The following GRM1 variants were observed in gnomAD, a reference collection of about 807,000 sequenced individuals.
GRM1 encodes metabotropic glutamate receptor 1.
In GRM1, 33 loss-of-function variants were observed where a neutral mutation model predicts 90.9. That is an observed-to-expected ratio of 0.36 (90% confidence interval 0.28 to 0.49). The LOEUF (loss-of-function observed/expected upper bound fraction) is 0.49, where lower values mean the gene tolerates loss of function less well. Among genes scored for constraint, GRM1 ranks in the 20% least tolerant of loss-of-function variants. The pLI is 0.99. For synonymous variants in GRM1, 700 were observed against 613.2 expected (o/e 1.14, Z -2.09); for missense variants, 1,190 against 1,534.3 (o/e 0.78, Z 3.75).
At chr6:146,227,401 G>A (rs766994746) in intron 2 of GRM1, among the ~76,000 whole-genome samples, 10 of 152,066 alleles carry the variant, frequency 6.6e-5, no homozygotes, top group Non-Finnish European at 1.2e-4. Flanking sequence ...TTTACTCTTG[G>A]TATACAATCT....
At chr6:146,333,125 A>G (rs1415049165) in intron 3 of GRM1, among the ~76,000 whole-genome samples, 1 of 152,222 alleles carries the variant, frequency 6.6e-6, no homozygotes, top group African/African-American at 2.4e-5. Context: ...AGTTAAAAAT[A>G]TATTTGACCA....
At chr6:146,314,948 A>G (rs1783915623) in intron 3 of GRM1, among the ~76,000 whole-genome samples, 1 of 152,112 alleles carries the variant, frequency 6.6e-6, no homozygotes, top group African/African-American at 2.4e-5. Flanking sequence ...TTTCCGAAAA[A>G]CTAGCCTCTT....
chr6:146,071,540 T>G (rs1045865127), intron 1 of GRM1, among the ~76,000 whole-genome samples: 4 of 152,182 alleles, frequency 2.6e-5, no homozygotes, highest in African/African-American at 9.6e-5. Context: ...AAGGCAAGAC[T>G]TTTTGGAAGA....
Position 146,160,835 on chromosome 6 carries a change from G to A in GRM1, c.950+1238G>A, listed in dbSNP as rs554333199. ...AGAGATACTCTCCAAGCATGAGGAG[G>A]TGTGGAGCCAAGGTCAAATTGTAAT... is the stretch of plus-strand genomic sequence containing the variant. On this transcript the variant is annotated intron_variant, in intron 2 of 7. Transcript: ENST00000282753. Among the ~76,000 whole-genome samples, 3 of 152,276 alleles carry A rather than the reference G, an allele frequency of 2.0e-5. No individual in the cohort carries two copies. In the South Asian group the frequency reaches 6.2e-4, roughly 32 times the overall value.
intron 5 of GRM1, among the ~76,000 whole-genome samples, chr6:146,378,238 G>C (rs555284484): frequency 6.6e-6 from 1 of 152,188 alleles, no homozygotes; most frequent in Non-Finnish European, 1.5e-5. Context: ...TCCCACTGGG[G>C]CACTGCCTAG....
At chr6:146,370,607 G>A (rs1775861925) in intron 5 of GRM1, among the ~76,000 whole-genome samples, 1 of 151,780 alleles carries the variant, frequency 6.6e-6, no homozygotes, top group African/African-American at 2.4e-5. Context: ...AACATCATGT[G>A]GGCCACAGCG....
chr6:146,162,954 A>G (rs1385260124), intron 2 of GRM1, among the ~76,000 whole-genome samples: 2 of 152,130 alleles, frequency 1.3e-5, no homozygotes, highest in African/African-American at 4.8e-5. Flanking sequence ...TTGGCTCCAC[A>G]TCATCTTTAA....
intron 1 of GRM1, among the ~76,000 whole-genome samples, chr6:146,054,162 G>A (rs1247234370): frequency 6.6e-6 from 1 of 152,042 alleles, no homozygotes; most frequent in Non-Finnish European, 1.5e-5. Context: ...TGGGCTGTCA[G>A]CAATGTGTCT....
At chr6:146,223,490 T>A (rs1455260195) in intron 2 of GRM1, among the ~76,000 whole-genome samples, 2 of 152,104 alleles carry the variant, frequency 1.3e-5, no homozygotes, top group African/African-American at 4.8e-5. Flanking sequence ...AAGCTCTAAC[T>A]TGGTTTCACT....
At chr6:146,281,160 T>C (rs1454171908) in intron 2 of GRM1, among the ~76,000 whole-genome samples, 1 of 152,216 alleles carries the variant, frequency 6.6e-6, no homozygotes, top group South Asian at 2.1e-4. Context: ...ACCTTCTTCT[T>C]GATGGTAATT....
chr6:146,414,485 G>A (rs975059477), intron 7 of GRM1, among the ~76,000 whole-genome samples: 1 of 151,772 alleles, frequency 6.6e-6, no homozygotes, highest in Admixed American at 6.6e-5. Flanking sequence ...CGCACTGCAA[G>A]CTCCGCCTCC....
At chr6:146,189,567 T>A (rs772363332) in intron 2 of GRM1, among the ~76,000 whole-genome samples, 10 of 152,232 alleles carry the variant, frequency 6.6e-5, no homozygotes, top group Non-Finnish European at 1.0e-4. Context: ...ATGCTTCACA[T>A]GTTAGAGGTC....
chr6:146,304,630 G>C lies in GRM1; in HGVS notation c.970G>C (p.Asp324His). 6.2e-7 allele frequency: 1 copy of C among 1,613,142 alleles called. No individual in the cohort carries two copies. Among genetic ancestry groups the C allele is most frequent in the Admixed American group, 1.7e-5 (1 of 59,950 alleles). Residue 324 changes from aspartate (D) to histidine (H), a missense_variant, in exon 3 of 8, where the codon GAT (aspartate) becomes CAT (histidine). Coordinates refer to ENST00000282753, the MANE Select transcript of GRM1 (RefSeq NM_001278064.2). Reference sequence around the variant, plus strand: ...TTTTAGTGATGGATGGGCAGACAGAGATGAAGTCATTGAAGGTTATGAGGT... The same window carrying C: ...TTTTAGTGATGGATGGGCAGACAGACATGAAGTCATTGAAGGTTATGAGGT... ...LIGSDGWADR[D>H]EVIEGYEVEA...
At chr6:146,233,628 T>G (rs979644782) in intron 2 of GRM1, among the ~76,000 whole-genome samples, 3 of 152,166 alleles carry the variant, frequency 2.0e-5, no homozygotes, top group Admixed American at 2.0e-4. Context: ...CTTCTGTTAC[T>G]AATTTCTAGT....
chr6:146,321,812 G>T (rs1258932275), intron 3 of GRM1, among the ~76,000 whole-genome samples: 2 of 151,970 alleles, frequency 1.3e-5, no homozygotes, highest in African/African-American at 2.4e-5. Flanking sequence ...CTTTCCATTT[G>T]CTTGGTAAAT....
chr6:146,142,938 T>G (rs1776943070), intron 1 of GRM1, among the ~76,000 whole-genome samples: 1 of 152,148 alleles, frequency 6.6e-6, no homozygotes, highest in African/African-American at 2.4e-5. Flanking sequence ...TCTTCACTTT[T>G]CTCTCTGCTT....
chr6:146,230,791 C>T (rs1780424403), intron 2 of GRM1, among the ~76,000 whole-genome samples: 1 of 152,046 alleles, frequency 6.6e-6, no homozygotes, highest in African/African-American at 2.4e-5. Context: ...AATGAATAAA[C>T]TGGCACATCC....
intron 2 of GRM1, among the ~76,000 whole-genome samples, chr6:146,250,114 A>G (rs1194769465): frequency 6.6e-6 from 1 of 152,116 alleles, no homozygotes; most frequent in African/African-American, 2.4e-5. Flanking sequence ...TTTTGATTTT[A>G]TAGGCGCATA....
rs1778609322 is a variant in GRM1, at chr6:146,436,848, T to A, written c.*2052T>A. 6.6e-6 allele frequency: 1 copy of A among 152,662 alleles called. No homozygotes were observed. Among genetic ancestry groups the A allele is most frequent in the Non-Finnish European group, 1.5e-5 (1 of 68,036 alleles). 9.5% of individuals were successfully genotyped at this position (152,662 alleles called of 1,614,324 possible). On this transcript the variant is annotated 3_prime_UTR_variant, in exon 8 of 8. Transcript: ENST00000282753. ...TTCTCAGCCAAAAATCATCTTAGAA[T>A]CTTTAAATATCCATTGCATCATTTG...
Sources: gnomAD v4.1 joint callset for allele counts (sites outside exome capture counted in the v4.1 genomes callset) on GRCh38, gnomAD v4.1.1 for gene constraint, MANE v1.5 for transcripts, NCBI Gene and HGNC (gene_info 2026-07-23, HGNC 2026-07-21) for gene names.